Variants in PHF20 observed in about 807,000 individuals in gnomAD.
The protein encoded by PHF20 is PHD finger protein 20.
In PHF20, 23 loss-of-function variants were observed where a neutral mutation model predicts 113.5. That is an observed-to-expected ratio of 0.20 (90% CI 0.15 to 0.29). The LOEUF is 0.29. Among genes scored for constraint, PHF20 ranks in the 10% least tolerant of loss-of-function variants. The probability of loss-of-function intolerance (pLI) is 1.00; values close to 1 mark genes in which losing one functional copy is unlikely to be tolerated. For synonymous variants in PHF20, 434 were observed against 457.3 expected (o/e 0.95, Z 0.65); for missense variants, 943 against 1,219.6 (o/e 0.77, Z 3.38).
At chr20:35,795,223 A>G (rs963110692) in intron 1 of PHF20, among the ~76,000 whole-genome samples, 1 of 150,524 alleles carries the variant, frequency 6.6e-6, no homozygotes, top group Non-Finnish European at 1.5e-5. Context: ...AAAATCTGCT[A>G]TCATTTATTG....
chr20:35,787,480 A>AT, intron 1 of PHF20, among the ~76,000 whole-genome samples: 1 of 149,966 alleles, frequency 6.7e-6, no homozygotes, highest in Non-Finnish European at 1.5e-5. Flanking sequence ...CGCCCAGCCT[A>AT]TTTTTTTATT....
intron 2 of PHF20, among the ~76,000 whole-genome samples, chr20:35,815,943 G>A (rs530262218): frequency 1.3e-5 from 2 of 152,168 alleles, no homozygotes; most frequent in African/African-American, 4.8e-5. Context: ...AGATATAATT[G>A]ACAAAAGGCA....
At chr20:35,878,380 T>C in intron 9 of PHF20, 1 of 400,600 alleles carries the variant, frequency 2.5e-6, no homozygotes, top group Non-Finnish European at 4.4e-6. Flanking sequence ...GTGTGCCTGC[T>C]ACATAGAAAT....
chr20:35,905,487 C>CAG (rs34149368), intron 10 of PHF20, among the ~76,000 whole-genome samples: 39,342 of 151,886 alleles, frequency 0.26, 6,108 homozygotes, highest in African/African-American at 0.44. Flanking sequence ...AGGAAGAGAT[C>CAG]AGAGCTCCCC....
intron 3 of PHF20, among the ~76,000 whole-genome samples, chr20:35,843,521 C>CAAAA (rs766671833): frequency 3.8e-5 from 2 of 53,178 alleles, no homozygotes; most frequent in Non-Finnish European, 7.6e-5. Context: ...TATTCCATCT[C>CAAAA]AAAAAAAAAA....
At chr20:35,787,419 T>C (rs574957203) in intron 1 of PHF20, among the ~76,000 whole-genome samples, 2 of 152,014 alleles carry the variant, frequency 1.3e-5, no homozygotes, top group South Asian at 4.2e-4. Flanking sequence ...TCTCAGGTGA[T>C]CTGCCCGCCT....
chr20:35,913,132 T>A, intron 10 of PHF20, 117 bp from the exon 11 acceptor site: 4 of 483,584 alleles, frequency 8.3e-6, no homozygotes, highest in East Asian at 1.2e-4. Flanking sequence ...TGGAGCAATC[T>A]GCTCCAGACT....
intron 13 of PHF20, among the ~76,000 whole-genome samples, chr20:35,921,570 A>C (rs1382637088): frequency 1.3e-5 from 2 of 151,836 alleles, no homozygotes; most frequent in Admixed American, 6.6e-5. Context: ...AGCAGACCCA[A>C]CTACTCCAGA....
At chr20:35,833,050 C>CAA (rs56997481) in intron 2 of PHF20, among the ~76,000 whole-genome samples, 16 of 69,760 alleles carry the variant, frequency 2.3e-4, no homozygotes, top group South Asian at 8.8e-4. Context: ...GACTCCATCT[C>CAA]AAAAAAAAAA....
intron 17 of PHF20, among the ~76,000 whole-genome samples, chr20:35,944,847 G>T (rs751735456): frequency 6.6e-6 from 1 of 152,136 alleles, no homozygotes; most frequent in African/African-American, 2.4e-5. Flanking sequence ...GATTACAGGC[G>T]TGCACGTCCG....
In PHF20 at chr20:35,917,186, T is replaced by C. The variant is rs6121086; in HGVS notation, c.1826-298T>C. ...CAGGGATGGTGGCCTGTGTGGTTCA[T>C]GGGGAGTTGTAGCTCCTCTGCCACT... is the stretch of plus-strand genomic sequence containing the variant. On this transcript the variant is annotated intron_variant, in intron 12 of 17. Transcript: ENST00000374012. 1,946 of 456,006 alleles carry C rather than the reference T, an allele frequency of 4.3e-3. 25 individuals are homozygous for C. The highest frequency in any genetic ancestry group is 0.033 in the African/African-American group (1,643 of 49,906). The allele number at this position is 456,006 out of a possible 1,614,324, so 28.2% of individuals were successfully genotyped here. A position where few individuals can be genotyped will look rare whatever the true frequency, so the allele number is the denominator to read the frequency against.
intron 10 of PHF20, among the ~76,000 whole-genome samples, chr20:35,912,235 C>G (rs1329463708): frequency 2.7e-4 from 41 of 152,232 alleles, no homozygotes; most frequent in Admixed American, 2.7e-3. Context: ...GCCTGGGCCT[C>G]CCAAAGTGCT....
At chr20:35,872,172 CT>C (rs113468756) in intron 9 of PHF20, among the ~76,000 whole-genome samples, 10 of 147,466 alleles carry the variant, frequency 6.8e-5, no homozygotes, top group Admixed American at 2.0e-4. Context: ...ATCTTTCTTC[CT>C]TTTTTTTTTC....
intron 10 of PHF20, among the ~76,000 whole-genome samples, chr20:35,905,225 G>A (rs984920994): frequency 1.3e-5 from 2 of 152,210 alleles, no homozygotes; most frequent in Non-Finnish European, 2.9e-5. Context: ...AGAAAGCTAA[G>A]TTCTGTGTTA....
chr20:35,876,253 G>C (rs991969037), intron 9 of PHF20, among the ~76,000 whole-genome samples: 10 of 151,706 alleles, frequency 6.6e-5, no homozygotes, highest in Admixed American at 4.6e-4. Context: ...TGAGGTATTT[G>C]CTTTTTGCTT....
chr20:35,943,880 A>G (rs2056037941), intron 17 of PHF20, among the ~76,000 whole-genome samples: 1 of 152,162 alleles, frequency 6.6e-6, no homozygotes, highest in African/African-American at 2.4e-5. Context: ...CGGGCTCCCA[A>G]AGTGCTGGGA....
At chr20:35,854,599 G>A (rs1422723756) in intron 4 of PHF20, among the ~76,000 whole-genome samples, 1 of 147,174 alleles carries the variant, frequency 6.8e-6, no homozygotes, top group Non-Finnish European at 1.5e-5. Flanking sequence ...GCTGTGTTTA[G>A]CATGAAAGTT....
chr20:35,800,433 C>CT (rs1243196874), intron 1 of PHF20, among the ~76,000 whole-genome samples: 3 of 151,386 alleles, frequency 2.0e-5, no homozygotes, highest in African/African-American at 7.3e-5. Flanking sequence ...AAAAAACAAA[C>CT]CAACAAACAA....
rs192133299 is a variant in PHF20, at chr20:35,876,605, A to C, written c.1282+4776A>C. On this transcript the variant is annotated intron_variant, in intron 9 of 17. Coordinates refer to ENST00000374012, the MANE Select transcript of PHF20 (RefSeq NM_016436.5). The stretch of plus-strand genomic sequence containing the variant: ...AAATTAAAAAGCCAGAGACGAATGC[A>C]GTTGTGACTGTTGTAATTGGGCAAG... Among the ~76,000 whole-genome samples the C allele has an allele frequency of 1.5e-4, 23 of 152,250 alleles. No individual in the cohort carries two copies. The East Asian group carries it at 4.1e-3, about 27-fold the overall frequency.
Sources: allele counts gnomAD v4.1 joint callset (sites outside exome capture counted in the v4.1 genomes callset), GRCh38; gene constraint gnomAD v4.1.1; transcripts MANE v1.5; gene names NCBI Gene and HGNC (gene_info 2026-07-23, HGNC 2026-07-21).